Variants in MOB3B observed in about 807,000 individuals in gnomAD.
MOB3B encodes the protein MOB kinase activator-like 2B.
Under a neutral mutation model 18.7 loss-of-function variants are expected in MOB3B, and 7 were observed. The observed-to-expected ratio is 0.37, with a 90% CI of 0.21 to 0.70. The LOEUF is 0.70. Ranked by LOEUF, MOB3B falls within the 30% of genes least tolerant of loss-of-function variation. The pLI, the probability that MOB3B is intolerant of heterozygous loss-of-function variation, is 0.52. For synonymous variants in MOB3B, 111 were observed against 99.9 expected, an observed-to-expected ratio of 1.11 and a Z score of -0.66; for missense variants, 253 against 281.3, an observed-to-expected ratio of 0.90 and a Z score of 0.72.
intron 2 of MOB3B, among the ~76,000 whole-genome samples, chr9:27,415,569 T>G (rs943694039): frequency 6.6e-6 from 1 of 152,214 alleles, no homozygotes; most frequent in Non-Finnish European, 1.5e-5. Context: ...CTGGTCAATT[T>G]TAGATGGGAT....
chr9:27,486,961 C>T (rs1587250505), intron 1 of MOB3B, among the ~76,000 whole-genome samples: 1 of 151,854 alleles, frequency 6.6e-6, no homozygotes, highest in African/African-American at 2.4e-5. Context: ...TGAAACCTCA[C>T]CTCTACTAAA....
At chr9:27,489,074 T>G (rs1387340622) in intron 1 of MOB3B, among the ~76,000 whole-genome samples, 1 of 152,266 alleles carries the variant, frequency 6.6e-6, no homozygotes, top group East Asian at 1.9e-4. Context: ...ATGTGGATAC[T>G]GCCGCCTGGT....
At chr9:27,457,359 T>C (rs1416359377) in intron 1 of MOB3B, among the ~76,000 whole-genome samples, 2 of 152,208 alleles carry the variant, frequency 1.3e-5, no homozygotes, top group South Asian at 2.1e-4. Context: ...TGTGGCCAGA[T>C]TCAGAAGAGC....
In MOB3B at chr9:27,357,123, T is replaced by TGC. The variant is rs1425284251; in HGVS notation, c.621+1910_621+1911insGC. Among the ~76,000 whole-genome samples, 75 of 79,422 alleles carry TGC rather than the reference T, an allele frequency of 9.4e-4. 2 individuals are homozygous for TGC. The highest frequency in any genetic ancestry group is 1.8e-3 in the Non-Finnish European group (70 of 39,408). The allele number at this position is 79,422 out of a possible 152,430, so 52.1% of individuals were successfully genotyped here. ...TTCCAGGACTACTGAGTAATGCAAA[T>TGC]ATATATATATATATATATATATGTG... On this transcript the variant is annotated intron_variant, in intron 3 of 3. Transcript: ENST00000262244.
intron 1 of MOB3B, among the ~76,000 whole-genome samples, chr9:27,507,667 T>C (rs1820079719): frequency 6.6e-6 from 1 of 152,212 alleles, no homozygotes; most frequent in Non-Finnish European, 1.5e-5. Flanking sequence ...AGAGTGACTG[T>C]TAGGCTGAGT....
In MOB3B at chr9:27,529,651, G is replaced by A. The variant is rs546277937; in HGVS notation, c.-295C>T. On this transcript the variant is annotated 5_prime_UTR_variant, in exon 1 of 4. Transcript: ENST00000262244. ...AAAATGGTGAGCTCGGGGCAGGTGG[G>A]GCGTCGCTTGCCAATCCACGCAAGG... 1.0e-6 allele frequency: 1 copy of A among 985,488 alleles called. No homozygotes were observed. The highest frequency in any genetic ancestry group is 4.7e-5 in the South Asian group (1 of 21,296). 61.0% of individuals were successfully genotyped at this position (985,488 alleles called of 1,614,324 possible).
At chr9:27,404,248 G>A (rs898589648) in intron 2 of MOB3B, among the ~76,000 whole-genome samples, 3 of 146,898 alleles carry the variant, frequency 2.0e-5, no homozygotes, top group African/African-American at 5.1e-5. Flanking sequence ...CATCTATGCT[G>A]TTGTAAATGA....
intron 1 of MOB3B, among the ~76,000 whole-genome samples, chr9:27,508,860 C>G (rs1820096165): frequency 6.6e-6 from 1 of 152,156 alleles, no homozygotes; most frequent in Non-Finnish European, 1.5e-5. Context: ...AGGTCAAACA[C>G]TTCATTAGAA....
At chr9:27,454,769 CA>C (rs2131448648) in intron 2 of MOB3B, among the ~76,000 whole-genome samples, 1 of 152,212 alleles carries the variant, frequency 6.6e-6, no homozygotes, top group South Asian at 2.1e-4. Context: ...ATATAAATAC[CA>C]GTAACTGCAT....
intron 1 of MOB3B, among the ~76,000 whole-genome samples, chr9:27,523,902 A>T (rs1024142844): frequency 6.6e-6 from 1 of 152,166 alleles, no homozygotes; most frequent in African/African-American, 2.4e-5. Flanking sequence ...CACCAGGTAC[A>T]AAAAATATAT....
intron 1 of MOB3B, among the ~76,000 whole-genome samples, chr9:27,469,512 G>A (rs1819439180): frequency 6.6e-6 from 1 of 152,140 alleles, no homozygotes. Flanking sequence ...GTGTGCATCT[G>A]CTAGGGAGGC....
At chr9:27,337,456 GCC>G (rs1357719988) in intron 3 of MOB3B, among the ~76,000 whole-genome samples, 3 of 152,034 alleles carry the variant, frequency 2.0e-5, no homozygotes, top group Admixed American at 1.3e-4. Context: ...AGGTTTCACG[GCC>G]CCCTCCCAAC....
At chr9:27,482,668 T>C (rs2131479400) in intron 1 of MOB3B, among the ~76,000 whole-genome samples, 1 of 152,314 alleles carries the variant, frequency 6.6e-6, no homozygotes, top group African/African-American at 2.4e-5. Context: ...CAGATGTCTT[T>C]ATCTCCCCAT....
chr9:27,337,767 G>A (rs945294824), intron 3 of MOB3B, among the ~76,000 whole-genome samples: 1 of 152,230 alleles, frequency 6.6e-6, no homozygotes, highest in Non-Finnish European at 1.5e-5. Flanking sequence ...GGCGCTATGA[G>A]AGGCATGGTG....
intron 3 of MOB3B, among the ~76,000 whole-genome samples, chr9:27,346,017 C>T (rs558247392): frequency 2.0e-5 from 3 of 152,110 alleles, no homozygotes; most frequent in Non-Finnish European, 2.9e-5. Flanking sequence ...GAACCTAATG[C>T]CCAGTGTAAT....
At chr9:27,365,524 A>G (rs1821331784) in intron 2 of MOB3B, among the ~76,000 whole-genome samples, 2 of 152,166 alleles carry the variant, frequency 1.3e-5, no homozygotes, top group Admixed American at 6.5e-5. Context: ...TAATCCAGAC[A>G]AACCATCAGC....
chr9:27,523,487 G>GAAAAT (rs1820374115), intron 1 of MOB3B, among the ~76,000 whole-genome samples: 1 of 146,766 alleles, frequency 6.8e-6, no homozygotes, highest in Admixed American at 6.7e-5. Flanking sequence ...GAAAAGAAAA[G>GAAAAT]AAAAGAAAAT....
chr9:27,420,423 C>T (rs183265251), intron 2 of MOB3B, among the ~76,000 whole-genome samples: 78 of 151,060 alleles, frequency 5.2e-4, no homozygotes, highest in African/African-American at 1.1e-3. Context: ...CATCGATCAA[C>T]GAGTGGATAA....
At chr9:27,400,608 T>C (rs183306766) in intron 2 of MOB3B, among the ~76,000 whole-genome samples, 1 of 152,342 alleles carries the variant, frequency 6.6e-6, no homozygotes, top group East Asian at 1.9e-4. Context: ...AGTTCCTACA[T>C]TATGTGGTGA....
Sources: allele counts gnomAD v4.1 joint callset (sites outside exome capture counted in the v4.1 genomes callset), GRCh38; gene constraint gnomAD v4.1.1; transcripts MANE v1.5; gene names NCBI Gene and HGNC (gene_info 2026-07-23, HGNC 2026-07-21).